GIGYF2: variants seen among roughly 807,000 people sequenced by gnomAD.
The protein encoded by GIGYF2 is GRB10-interacting GYF protein 2.
GIGYF2 carries 25 observed loss-of-function variants against 208.1 expected under a neutral mutation model. The ratio of observed to expected loss-of-function variants is 0.12; its 90% CI spans 0.09 to 0.17. The LOEUF (loss-of-function observed/expected upper bound fraction) is 0.17, where lower values mean the gene tolerates loss of function less well. GIGYF2 is among the 10% of genes least tolerant of loss of function. GIGYF2 has a pLI of 1.00. For missense variants in GIGYF2, 1,302 were observed against 1,579.4 expected (o/e 0.82, Z 2.98); for synonymous variants, 534 against 543.8 (o/e 0.98, Z 0.25).
At chr2:232,820,021 G>C in intron 21 of GIGYF2, 36 bp downstream of exon 21, 1 of 1,611,368 alleles carries the variant, frequency 6.2e-7, no homozygotes. Context: ...TTGTTCCTTT[G>C]AAGCTGGGAA....
chr2:232,832,704 G>A (rs1574935429), intron 21 of GIGYF2, among the ~76,000 whole-genome samples, 153 bp from the exon 22 acceptor site: 1 of 152,180 alleles, frequency 6.6e-6, no homozygotes, highest in Non-Finnish European at 1.5e-5. Flanking sequence ...TATTTTAAAA[G>A]AAAGGTTACT....
At chr2:232,726,590 AAAAT>A (rs1202555766) in intron 2 of GIGYF2, among the ~76,000 whole-genome samples, 7 of 152,124 alleles carry the variant, frequency 4.6e-5, no homozygotes, top group Admixed American at 2.0e-4. Flanking sequence ...TAAAAGTTAA[AAAAT>A]AAATAAATAA....
chr2:232,761,532 ATT>A (rs1698740279), intron 8 of GIGYF2, 96 bp downstream of exon 8: 4 of 743,500 alleles, frequency 5.4e-6, no homozygotes. Flanking sequence ...CATTTCCTGC[ATT>A]TAAACTTCCA....
chr2:232,711,705 G>GTGTATATATA (rs147184549), intron 2 of GIGYF2, among the ~76,000 whole-genome samples: 36 of 115,774 alleles, frequency 3.1e-4, no homozygotes, highest in African/African-American at 1.1e-3. Flanking sequence ...TCACAATGAT[G>GTGTATATATA]TATATATATA....
intron 2 of GIGYF2, among the ~76,000 whole-genome samples, chr2:232,714,410 A>C (rs913137567): frequency 6.6e-6 from 1 of 152,194 alleles, no homozygotes; most frequent in African/African-American, 2.4e-5. Context: ...CCTTTAAAGA[A>C]GGTAATTTAA....
At chr2:232,820,074 A>G (rs1701030096) in intron 21 of GIGYF2, 89 bp downstream of exon 21, 7 of 1,487,368 alleles carry the variant, frequency 4.7e-6, no homozygotes, top group African/African-American at 1.4e-5. Flanking sequence ...TAGCCTATCT[A>G]AAATTTTTTC....
intron 27 of GIGYF2, among the ~76,000 whole-genome samples, chr2:232,848,764 G>A (rs1176562990): frequency 6.6e-6 from 1 of 152,188 alleles, no homozygotes; most frequent in Admixed American, 6.5e-5. Flanking sequence ...TTGTTTCCTT[G>A]TTCTACCTTA....
In GIGYF2 at chr2:232,857,080, G is replaced by T; in HGVS notation, c.*220G>T. On this transcript the variant is annotated 3_prime_UTR_variant, in exon 29 of 29. Transcript: ENST00000373563. Reference sequence around the variant, plus strand: ...TATAGATAAGTGGACTGGACCCTGTGTCTTGGGGGTGGCAGTTGGGATTAC... The same window carrying T: ...TATAGATAAGTGGACTGGACCCTGTTTCTTGGGGGTGGCAGTTGGGATTAC... 1 of 588,300 alleles carries T rather than the reference G, an allele frequency of 1.7e-6. No homozygotes were observed. The allele number at this position is 588,300 out of a possible 1,614,324, so 36.4% of individuals were successfully genotyped here. A position where few individuals can be genotyped will look rare whatever the true frequency, so the allele number is the denominator to read the frequency against.
chr2:232,731,828 A>T (rs1697509925), intron 2 of GIGYF2, among the ~76,000 whole-genome samples: 1 of 152,244 alleles, frequency 6.6e-6, no homozygotes, highest in Admixed American at 6.5e-5. Flanking sequence ...ACTGCCAAGA[A>T]GGCTCCGGCA....
intron 2 of GIGYF2, among the ~76,000 whole-genome samples, chr2:232,707,968 A>T (rs1187620897): frequency 6.6e-6 from 1 of 151,754 alleles, no homozygotes; most frequent in Non-Finnish European, 1.5e-5. Flanking sequence ...AATTAAAAAA[A>T]ATATTTTTTT....
chr2:232,836,276 A>T (rs182273005), intron 22 of GIGYF2, among the ~76,000 whole-genome samples: 1,171 of 3,654 alleles, frequency 0.32, 84 homozygotes, highest in East Asian at 0.56. Flanking sequence ...ATATATATAT[A>T]TATATATATA....
intron 8 of GIGYF2, among the ~76,000 whole-genome samples, chr2:232,774,292 G>A (rs115417709): frequency 1.1e-4 from 17 of 152,236 alleles, no homozygotes; most frequent in Middle Eastern, 3.4e-3. Context: ...TTCAAGAGCC[G>A]CTCCAGAGTG....
At chr2:232,840,011 TC>T (rs1185520558) in intron 23 of GIGYF2, 40 bp downstream of exon 23, 63 of 1,597,068 alleles carry the variant, frequency 3.9e-5, no homozygotes, top group Non-Finnish European at 5.2e-5. Context: ...CAAGCGATGT[TC>T]CAGAATATCT....
At chr2:232,774,577 A>AT (rs1458491496) in intron 8 of GIGYF2, among the ~76,000 whole-genome samples, 4 of 152,184 alleles carry the variant, frequency 2.6e-5, no homozygotes, top group Non-Finnish European at 5.9e-5. Context: ...ATAATAAAAG[A>AT]TTTTGACACA....
chr2:232,824,442 T>G (rs1701188366), intron 21 of GIGYF2, among the ~76,000 whole-genome samples: 1 of 152,226 alleles, frequency 6.6e-6, no homozygotes, highest in Non-Finnish European at 1.5e-5. Context: ...GGAGATAGTT[T>G]TAGTGGTCTG....
At chr2:232,804,381 GTTTT>G (rs199519467) in intron 14 of GIGYF2, among the ~76,000 whole-genome samples, 5 of 121,918 alleles carry the variant, frequency 4.1e-5, no homozygotes, top group African/African-American at 9.0e-5. Flanking sequence ...GAGCATCTCA[GTTTT>G]TTTTTTTTTT....
At chr2:232,812,344 T>TTA in intron 17 of GIGYF2, 47 bp from the exon 18 acceptor site, 1 of 811,630 alleles carries the variant, frequency 1.2e-6, no homozygotes, top group Middle Eastern at 2.2e-4. Flanking sequence ...TTTTTTTTTT[T>TTA]CCTGCAAATG....
chr2:232,760,513 G>T lies in GIGYF2; in HGVS notation c.413G>T (p.Arg138Ile). 1.2e-6 allele frequency: 2 copies of T among 1,613,652 alleles called. No individual in the cohort carries two copies. Among genetic ancestry groups the T allele is most frequent in the Non-Finnish European group, 1.7e-6 (2 of 1,179,736 alleles). The change falls in exon 7 of 29, where the codon AGA (arginine) becomes ATA (isoleucine). Residue 138 changes from arginine to isoleucine, a missense_variant. Coordinates refer to ENST00000373563, the MANE Select transcript of GIGYF2 (RefSeq NM_001103146.3). ...AGAGGTGAATGTGGTTTCTACCAAA[G>T]AAGTTTTGATGAAGTAGAGGGTGTT... ...RGRGECGFYQ[R>I]SFDEVEGVFG...
At chr2:232,731,355 A>G (rs148269674) in intron 2 of GIGYF2, 1 of 152,370 alleles carries the variant, frequency 6.6e-6, no homozygotes, top group African/African-American at 2.4e-5. Context: ...TACCTGCTTT[A>G]TAAATTCAGT....
Sources: gnomAD v4.1 joint callset for allele counts (sites outside exome capture counted in the v4.1 genomes callset) on GRCh38, gnomAD v4.1.1 for gene constraint, MANE v1.5 for transcripts, NCBI Gene and HGNC (gene_info 2026-07-23, HGNC 2026-07-21) for gene names.